The following OR51B5 variants were observed in gnomAD, a reference collection of about 807,000 sequenced individuals.
OR51B5 encodes olfactory receptor 51B5.
For missense variants in OR51B5, 456 were observed against 374.6 expected, an observed-to-expected ratio of 1.22 and a Z score of -1.79; for synonymous variants, 186 against 144.8, an observed-to-expected ratio of 1.28 and a Z score of -2.04.
chr11:5,472,900 A>G (rs772171515), intron 1 of OR51B5, among the ~76,000 whole-genome samples: 2 of 152,170 alleles, frequency 1.3e-5, no homozygotes, highest in Non-Finnish European at 2.9e-5. Context: ...AGAGTCATCA[A>G]ATAAGGTGAC....
chr11:5,478,798 G>GGAAGT (rs1851362342), intron 1 of OR51B5, among the ~76,000 whole-genome samples: 2 of 150,648 alleles, frequency 1.3e-5, no homozygotes, highest in Admixed American at 1.3e-4. Flanking sequence ...AAGCGTGAAG[G>GGAAGT]GAAGTTTAGA....
At chr11:5,377,642 T>C (rs1849547855) in intron 1 of OR51B5, among the ~76,000 whole-genome samples, 1 of 152,042 alleles carries the variant, frequency 6.6e-6, no homozygotes, top group East Asian at 1.9e-4. Flanking sequence ...TGTGCAAAAA[T>C]CACAAGCATT....
At chr11:5,463,002 T>C (rs1564821661) in intron 1 of OR51B5, among the ~76,000 whole-genome samples, 1 of 152,172 alleles carries the variant, frequency 6.6e-6, no homozygotes, top group South Asian at 2.1e-4. Flanking sequence ...ATTAAGCAAA[T>C]AGTAACTCGA....
intron 1 of OR51B5, among the ~76,000 whole-genome samples, chr11:5,378,856 T>A (rs1385716782): frequency 2.0e-5 from 3 of 149,972 alleles, no homozygotes; most frequent in Admixed American, 1.3e-4. Context: ...ACTTTTACAC[T>A]CTTGGTGGGA....
chr11:5,387,499 T>C (rs549269221), intron 1 of OR51B5, among the ~76,000 whole-genome samples: 1 of 152,202 alleles, frequency 6.6e-6, no homozygotes, highest in Non-Finnish European at 1.5e-5. Flanking sequence ...CTTATATCCA[T>C]GCAGCACCTC....
chr11:5,478,858 A>C (rs913273019), intron 1 of OR51B5, among the ~76,000 whole-genome samples: 1 of 150,466 alleles, frequency 6.6e-6, no homozygotes, highest in South Asian at 2.1e-4. Flanking sequence ...ATATGGGACT[A>C]TGTGAAAAGA....
At chr11:5,412,637 A>T (rs1341504804) in intron 1 of OR51B5, among the ~76,000 whole-genome samples, 2 of 152,318 alleles carry the variant, frequency 1.3e-5, no homozygotes, top group East Asian at 3.9e-4. Context: ...CCAGGAGATT[A>T]TATCCTGCAC....
chr11:5,484,855 T>C (rs758364605), intron 1 of OR51B5, among the ~76,000 whole-genome samples: 31 of 152,232 alleles, frequency 2.0e-4, no homozygotes, highest in Non-Finnish European at 4.6e-4. Flanking sequence ...TTCAAAATAT[T>C]ATTATGGGCA....
At chr11:5,351,349 G>T (rs766356756) in intron 1 of OR51B5, among the ~76,000 whole-genome samples, 14 of 152,036 alleles carry the variant, frequency 9.2e-5, no homozygotes, top group Non-Finnish European at 1.9e-4. Context: ...CCATACCTAG[G>T]ATCTCCCAGG....
At chr11:5,431,491 T>C (rs998864213) in intron 1 of OR51B5, 2 of 167,136 alleles carry the variant, frequency 1.2e-5, no homozygotes, top group African/African-American at 4.8e-5. Flanking sequence ...ATGGCCACAA[T>C]GTACATGGTG....
At chr11:5,463,492 G>A (rs1851089851) in intron 1 of OR51B5, among the ~76,000 whole-genome samples, 1 of 152,166 alleles carries the variant, frequency 6.6e-6, no homozygotes, top group Admixed American at 6.5e-5. Context: ...TCTCCCTAAA[G>A]TGTTTCTCAA....
At chr11:5,445,441 A>T (rs1262540449) in intron 1 of OR51B5, among the ~76,000 whole-genome samples, 1 of 152,094 alleles carries the variant, frequency 6.6e-6, no homozygotes, top group Non-Finnish European at 1.5e-5. Context: ...CTTTTACTCC[A>T]TTACTATATG....
At chr11:5,441,259 T>C in intron 1 of OR51B5, 1 of 1,613,842 alleles carries the variant, frequency 6.2e-7, no homozygotes, top group Non-Finnish European at 8.5e-7. Context: ...AAGCAGAAAG[T>C]AGAAATCACA....
intron 1 of OR51B5, chr11:5,392,095 C>G (rs757030573): frequency 6.6e-6 from 1 of 151,850 alleles, no homozygotes; most frequent in Non-Finnish European, 1.5e-5. Flanking sequence ...AATTACAAAG[C>G]GAAATTTAAA....
intron 1 of OR51B5, chr11:5,352,008 TCG>T (rs745858416): frequency 6.2e-7 from 1 of 1,613,764 alleles, no homozygotes; most frequent in Non-Finnish European, 8.5e-7. Flanking sequence ...TTCCCTACTG[TCG>T]ATCCCATGTA....
At chr11:5,382,968 G>A (rs1196377938) in intron 1 of OR51B5, among the ~76,000 whole-genome samples, 4 of 152,144 alleles carry the variant, frequency 2.6e-5, no homozygotes, top group African/African-American at 7.2e-5. Flanking sequence ...CAGTCTCCAA[G>A]AGTGTGTGTG....
At chr11:5,405,329 C>G (rs1461744348) in intron 1 of OR51B5, among the ~76,000 whole-genome samples, 1 of 152,030 alleles carries the variant, frequency 6.6e-6, no homozygotes, top group Non-Finnish European at 1.5e-5. Flanking sequence ...TGGAATGTAC[C>G]TGGGTAAGAC....
chr11:5,441,054 C>T (rs1053006163), intron 1 of OR51B5: 38 of 1,613,858 alleles, frequency 2.4e-5, no homozygotes, highest in Non-Finnish European at 3.1e-5. Flanking sequence ...AGTGGTGAAA[C>T]TCTTGGTAAG....
At chr11:5,459,091 C>A (rs1383075123) in intron 1 of OR51B5, among the ~76,000 whole-genome samples, 1 of 152,106 alleles carries the variant, frequency 6.6e-6, no homozygotes, top group African/African-American at 2.4e-5. Flanking sequence ...CTGTTAGTTT[C>A]TCATAGACAG....
Sources: allele counts gnomAD v4.1 joint callset (sites outside exome capture counted in the v4.1 genomes callset), GRCh38; gene constraint gnomAD v4.1.1; transcripts MANE v1.5; gene names NCBI Gene and HGNC (gene_info 2026-07-23, HGNC 2026-07-21).